Variants in LPIN1 observed in about 807,000 individuals in gnomAD.
The protein encoded by LPIN1 is phosphatidate phosphatase LPIN1.
A neutral mutation model predicts 107.5 loss-of-function variants in LPIN1; 71 were observed. The ratio of observed to expected loss-of-function variants is 0.66; its 90% CI spans 0.55 to 0.80. The LOEUF is 0.80. Among genes scored for constraint, LPIN1 ranks in the 30% least tolerant of loss-of-function variants. The probability of loss-of-function intolerance (pLI) is 0.00; values close to 1 mark genes in which losing one functional copy is unlikely to be tolerated. For synonymous variants in LPIN1, 445 were observed against 452.6 expected (o/e 0.98, Z 0.21); for missense variants, 1,043 against 1,160.6 (o/e 0.90, Z 1.47).
At chr2:11,781,092 C>T (rs1335477296) in intron 7 of LPIN1, among the ~76,000 whole-genome samples, 1 of 152,128 alleles carries the variant, frequency 6.6e-6, no homozygotes, top group African/African-American at 2.4e-5. Flanking sequence ...CCTCTTGCAT[C>T]CCCAATAAAT....
At chr2:11,782,553 T>C (rs1369332809) in intron 8 of LPIN1, 46 bp downstream of exon 8, 19 of 1,609,164 alleles carry the variant, frequency 1.2e-5, no homozygotes, top group Non-Finnish European at 1.4e-5. Context: ...TCATAGTTTG[T>C]GCTCACTCTA....
At chr2:11,787,339 A>G (rs1188210778) in intron 11 of LPIN1, among the ~76,000 whole-genome samples, 172 bp downstream of exon 11, 1 of 151,542 alleles carries the variant, frequency 6.6e-6, no homozygotes, top group African/African-American at 2.4e-5. Flanking sequence ...AGAATTGGCA[A>G]TATAGCTGAT....
rs755410387 is a variant in LPIN1, at chr2:11,783,839, C to A, written c.1275C>A (p.Ser425Arg). 1 of 1,613,914 alleles carries A rather than the reference C, an allele frequency of 6.2e-7. No individual in the cohort carries two copies. Among genetic ancestry groups the A allele is most frequent in the African/African-American group, 1.3e-5 (1 of 74,904 alleles). The change falls in exon 9 of 21, where the codon AGC (serine) becomes AGA (arginine). Residue 425 changes from serine to arginine, a missense_variant. Transcript: ENST00000674199. ...DSPSRKRDKR[S>R]RHLGADGVYL... Reference sequence around the variant, plus strand: ...CATTTGCCGTTTTAGATAAACGAAGCCGACATCTTGGTGCTGACGGCGTCT... The same window carrying A: ...CATTTGCCGTTTTAGATAAACGAAGACGACATCTTGGTGCTGACGGCGTCT...
intron 7 of LPIN1, 110 bp downstream of exon 7, chr2:11,779,755 G>T: frequency 7.3e-7 from 1 of 1,374,316 alleles, no homozygotes; most frequent in South Asian, 1.2e-5. Flanking sequence ...GGAGCCAGAG[G>T]TAAACCAAAA....
At chr2:11,768,649 A>G (rs1671325653) in intron 3 of LPIN1, among the ~76,000 whole-genome samples, 1 of 152,080 alleles carries the variant, frequency 6.6e-6, no homozygotes. Flanking sequence ...ATTACAAACA[A>G]CTTGGGGCTG....
rs1339162516 is a variant in LPIN1 at position 11,697,677 on chromosome 2, T to C, written c.82-16079T>C. 6.6e-6 allele frequency among the ~76,000 whole-genome samples: 1 copy of C among 152,202 alleles called. No homozygotes were observed. Among genetic ancestry groups the C allele is most frequent in the Non-Finnish European group, 1.5e-5 (1 of 68,024 alleles). ...GTGAGTGGAGAAGTGCTTGGTGGGC[T>C]GGTTTTGCAGCCACTGAAAACCTGA... On this transcript the variant is annotated intron_variant, in intron 1 of 21. Coordinates refer to the LPIN1 transcript ENST00000449576. The surrounding 1 kb of genome is among the most constrained non-coding windows in gnomAD (Gnocchi z 4.6).
intron 12 of LPIN1, among the ~76,000 whole-genome samples, chr2:11,790,153 A>G (rs2358126): frequency 0.5 from 76,774 of 152,072 alleles, 20,562 homozygotes; most frequent in African/African-American, 0.68. Context: ...TTTCAAGTGT[A>G]ATGAGAGGTA....
chr2:11,704,363 C>G (rs538274184), intron 1 of LPIN1, among the ~76,000 whole-genome samples: 5 of 152,168 alleles, frequency 3.3e-5, no homozygotes, highest in Non-Finnish European at 7.4e-5. Flanking sequence ...GCATCTGGGC[C>G]TGAAATAGTG....
chr2:11,784,013 T>C (rs1674023457), intron 9 of LPIN1, 91 bp downstream of exon 9: 12 of 1,602,898 alleles, frequency 7.5e-6, no homozygotes, highest in Non-Finnish European at 7.7e-6. Context: ...GATTAGAAAG[T>C]GTGCAAGACA....
chr2:11,756,290 T>C (rs2148591786), intron 1 of LPIN1, among the ~76,000 whole-genome samples: 1 of 152,362 alleles, frequency 6.6e-6, no homozygotes, highest in Non-Finnish European at 1.5e-5. Flanking sequence ...ATTAAAATCA[T>C]TGTTATTTAC....
chr2:11,825,377 T>G lies in LPIN1; in HGVS notation c.*586T>G, dbSNP rs1682241627. The G allele has an allele frequency of 1.3e-5, 2 of 155,170 alleles. No homozygotes were observed. The highest frequency in any genetic ancestry group is 4.8e-5 in the African/African-American group (2 of 41,470). 9.6% of individuals were successfully genotyped at this position (155,170 alleles called of 1,614,324 possible). ...GACTTGGCCTTGTGGATGGGCCCCT[T>G]ACAGTATTTGCTGACTAGTCTCATT... On this transcript the variant is annotated 3_prime_UTR_variant, in exon 21 of 21. Transcript: ENST00000674199. The surrounding 1 kb of genome is among the most constrained non-coding windows in gnomAD (Gnocchi z 4.1).
chr2:11,681,959 T>A (rs986568666), intron 1 of LPIN1, among the ~76,000 whole-genome samples: 16 of 151,928 alleles, frequency 1.1e-4, no homozygotes, highest in African/African-American at 3.9e-4. Flanking sequence ...AGGGAAAGGG[T>A]CCACTTCTCC....
intron 1 of LPIN1, among the ~76,000 whole-genome samples, chr2:11,688,365 T>C (rs1326123302): frequency 6.6e-6 from 1 of 152,222 alleles, no homozygotes; most frequent in Non-Finnish European, 1.5e-5. Context: ...CTCCCAGAGC[T>C]ACCACTCTGG....
intron 1 of LPIN1, among the ~76,000 whole-genome samples, chr2:11,752,098 G>A (rs1667885057): frequency 6.6e-6 from 1 of 152,132 alleles, no homozygotes; most frequent in African/African-American, 2.4e-5. Context: ...TACAGTTACT[G>A]TTTTTGTACA....
Position 11,803,996 on chromosome 2 carries a change from T to G in LPIN1, c.2014-427T>G, listed in dbSNP as rs1678216212. Among the ~76,000 whole-genome samples the G allele has an allele frequency of 6.6e-6, 1 of 152,238 alleles. No homozygotes were observed. On this transcript the variant is annotated intron_variant, in intron 15 of 20. Coordinates refer to ENST00000674199, the MANE Select transcript of LPIN1 (RefSeq NM_001349206.2). This position sits in a 1 kb window ranked among gnomAD's most constrained non-coding sequence, Gnocchi z 4.2. ...CATGGTTATTTAGGGAAATGTATTTTCACACTTGGCTTAAATTTGTCTCCC... is the reference window on the plus strand; with the variant it reads ...CATGGTTATTTAGGGAAATGTATTTGCACACTTGGCTTAAATTTGTCTCCC...
rs545051114 is a variant in LPIN1, at chr2:11,814,588, A to G, written c.2250-500A>G. The stretch of plus-strand genomic sequence containing the variant: ...TGGCTTGTTTTAAGGATGAAATGAG[A>G]GATTGCAGAATATTTATGTGCTGAT... On this transcript the variant is annotated intron_variant, in intron 17 of 20. Coordinates refer to ENST00000674199, the MANE Select transcript of LPIN1 (RefSeq NM_001349206.2). Among the ~76,000 whole-genome samples, 6 of 151,486 alleles carry G rather than the reference A, an allele frequency of 4.0e-5. No individual in the cohort carries two copies. In the South Asian group the frequency reaches 1.3e-3, roughly 32 times the overall value.
chr2:11,750,094 G>A (rs756638029), intron 1 of LPIN1, among the ~76,000 whole-genome samples: 2 of 144,948 alleles, frequency 1.4e-5, no homozygotes, highest in Non-Finnish European at 3.0e-5. Context: ...TCCCCTCCCC[G>A]GCCTCGCTCC....
chr2:11,819,656 G>A (rs1371770884), intron 19 of LPIN1, 58 bp downstream of exon 19: 1 of 1,260,926 alleles, frequency 7.9e-7, no homozygotes, highest in African/African-American at 1.5e-5. Context: ...TCTGGTTGCT[G>A]TCATCTGAAA....
intron 1 of LPIN1, among the ~76,000 whole-genome samples, chr2:11,708,036 G>A (rs932425126): frequency 8.5e-5 from 13 of 152,100 alleles, no homozygotes; most frequent in African/African-American, 2.7e-4. Flanking sequence ...ATCCGCATCC[G>A]AGACCAGCTG....
Sources: allele counts gnomAD v4.1 joint callset (sites outside exome capture counted in the v4.1 genomes callset), GRCh38; gene constraint gnomAD v4.1.1; non-coding constraint Gnocchi (gnomAD v3.1); transcripts MANE v1.5; gene names NCBI Gene and HGNC (gene_info 2026-07-23, HGNC 2026-07-21).